TAB3: variants seen among roughly 807,000 people sequenced by gnomAD.
TAB3 encodes the protein TGF-beta-activated kinase 1 and MAP3K7-binding protein 3.
Under a neutral mutation model 48.1 loss-of-function variants are expected in TAB3, and 18 were observed. That is an observed-to-expected ratio of 0.37 (90% CI 0.26 to 0.55). TAB3 has a LOEUF of 0.55. Ranked by LOEUF, TAB3 falls within the 20% of genes least tolerant of loss-of-function variation. TAB3 has a pLI of 0.78. For missense variants in TAB3, 414 were observed against 549.8 expected (o/e 0.75, Z 2.47); for synonymous variants, 185 against 190.2 (o/e 0.97, Z 0.22).
chrX:30,870,724 G>A (rs901664923), intron 2 of TAB3, among the ~76,000 whole-genome samples: 17 of 112,610 alleles, frequency 1.5e-4, no homozygotes, highest in African/African-American at 5.2e-4. Context: ...ATTTGGCAAC[G>A]TCTGAAGATA....
At chrX:30,843,696 A>G (rs1351686531) in intron 8 of TAB3, 4 of 111,724 alleles carry the variant, frequency 3.6e-5, no homozygotes, top group African/African-American at 1.3e-4. Flanking sequence ...CCAATTTCAG[A>G]ATAGATAGAA....
At chrX:30,872,149 C>G (rs1420066651) in intron 1 of TAB3, among the ~76,000 whole-genome samples, 1 of 111,501 alleles carries the variant, frequency 9.0e-6, no homozygotes, top group Non-Finnish European at 1.9e-5. Context: ...CCTGCAGCTT[C>G]CCAAGATGTA....
rs1027576262 is a variant in TAB3, at chrX:30,827,539, C to T, written c.*3888G>A. On this transcript the variant is annotated 3_prime_UTR_variant, in exon 11 of 11. Transcript: ENST00000288422. ...ATGCATGCAGAGCCTTTTAAAATGC[C>T]TTTGTACAATTTCATCTCAAAATGA... The T allele has an allele frequency of 8.0e-5, 9 of 112,456 alleles. No homozygotes were observed. Among genetic ancestry groups the T allele is most frequent in the African/African-American group, 2.9e-4 (9 of 30,919 alleles). The allele number at this position is 112,456 out of a possible 1,213,427, so 9.3% of individuals were successfully genotyped here. A position where few individuals can be genotyped will look rare whatever the true frequency, so the allele number is the denominator to read the frequency against.
chrX:30,876,430 C>T lies in TAB3; in HGVS notation c.-382-4629G>A, dbSNP rs745834206. ...TATCAGACATGGATTTTAAATTATG[C>T]TTGCTATGTTCAAGGAGATGAAAGC... On this transcript the variant is annotated intron_variant, in intron 1 of 10. Transcript: ENST00000288422. Among the ~76,000 whole-genome samples, 11 of 112,432 alleles carry T rather than the reference C, an allele frequency of 9.8e-5. No homozygotes were observed. In the South Asian group the frequency reaches 4.0e-3, roughly 41 times the overall value.
rs751794247 is a variant in TAB3, at chrX:30,855,262, G to C, written c.403C>G (p.Pro135Ala). Residue 135 changes from proline to alanine, a missense_variant, in exon 6 of 11, where the codon CCC becomes GCC. Coordinates refer to ENST00000288422, the MANE Select transcript of TAB3 (RefSeq NM_152787.5). ...TTCATAAAAAATGGATTGTAGTTGG[G>C]AGTAGCAGCAACAACAGCTGGAGCT... ...HSAPAVVAAT[P>A]NYNPFFMNEQ... 10 of 1,209,616 alleles carry C rather than the reference G, an allele frequency of 8.3e-6. No homozygotes were observed. The East Asian group carries it at 3.0e-4, about 36-fold the overall frequency.
At chrX:30,831,725 T>C in intron 10 of TAB3, 150 bp from the exon 11 acceptor site, 1 of 607,823 alleles carries the variant, frequency 1.6e-6, no homozygotes, top group Non-Finnish European at 2.5e-6. Context: ...ATATATCTAC[T>C]GGAAATGCAT....
chrX:30,836,849 A>AAAAC (rs763561305), intron 9 of TAB3: 2 of 110,885 alleles, frequency 1.8e-5, no homozygotes, highest in African/African-American at 6.6e-5. Context: ...TCTCAAAACA[A>AAAAC]AAACAAACAA....
intron 7 of TAB3, among the ~76,000 whole-genome samples, chrX:30,851,948 G>A (rs145554772): frequency 0.029 from 3,214 of 112,108 alleles, 91 homozygotes; most frequent in Admixed American, 0.12. Context: ...CTCATTACCC[G>A]TGAACATATA....
At chrX:30,883,843 T>G (rs1373432764) in intron 1 of TAB3, among the ~76,000 whole-genome samples, 8 of 111,312 alleles carry the variant, frequency 7.2e-5, no homozygotes, top group African/African-American at 2.6e-4. Flanking sequence ...CATTTTTCTG[T>G]GGGAAAATGG....
intron 1 of TAB3, among the ~76,000 whole-genome samples, chrX:30,873,450 G>A (rs1276410509): frequency 9.4e-6 from 1 of 106,566 alleles, no homozygotes; most frequent in Non-Finnish European, 1.9e-5. Context: ...GCGTGAACCC[G>A]GGAGGCGGAG....
intron 1 of TAB3, among the ~76,000 whole-genome samples, chrX:30,875,237 A>C (rs1171541355): frequency 8.9e-6 from 1 of 112,593 alleles, no homozygotes; most frequent in Non-Finnish European, 1.9e-5. Flanking sequence ...TAATATTAAC[A>C]GACAAAGAAC....
chrX:30,852,927 G>A lies in TAB3; in HGVS notation c.1561C>T (p.His521Tyr). 1 of 1,209,796 alleles carries A rather than the reference G, an allele frequency of 8.3e-7. No individual in the cohort carries two copies. The highest frequency in any genetic ancestry group is 1.1e-6 in the Non-Finnish European group (1 of 894,508). The change falls in exon 7 of 11, where the codon CAT (histidine) becomes TAT (tyrosine). Residue 521 changes from histidine to tyrosine, a missense_variant. Coordinates refer to ENST00000288422, the MANE Select transcript of TAB3 (RefSeq NM_152787.5). ...DYAYTQALLLHQRARMERLAK... is the reference protein window; with the variant it reads ...DYAYTQALLLYQRARMERLAK... ...AACCTCTCCATCCTTGCTCGTTGATGTAACAGCAAGGCTACAGCATTATAG... is the reference window on the plus strand; with the variant it reads ...AACCTCTCCATCCTTGCTCGTTGATATAACAGCAAGGCTACAGCATTATAG...
intron 1 of TAB3, among the ~76,000 whole-genome samples, chrX:30,875,047 G>A (rs754175566): frequency 9.9e-5 from 11 of 111,565 alleles, no homozygotes; most frequent in African/African-American, 1.3e-4. Context: ...GGTGGGAGGC[G>A]GTGAGGATGA....
chrX:30,886,657 TA>T (rs1323362080), intron 1 of TAB3, among the ~76,000 whole-genome samples: 4 of 112,583 alleles, frequency 3.6e-5, no homozygotes, highest in African/African-American at 1.3e-4. Context: ...AAAACTTTTC[TA>T]GAACTTTCAG....
rs1450833728 is a variant in TAB3, at chrX:30,846,761, G to A, written c.1711-117C>T. On this transcript the variant is annotated intron_variant, in intron 7 of 10. Transcript: ENST00000288422. ...GGGTATTACCAAGAATACGGCCTTA[G>A]TCCATAAGAGGGCATGTTTAAGAAG... 1.2e-5 allele frequency: 5 copies of A among 433,154 alleles called. No homozygotes were observed. The African/African-American group carries it at 1.2e-4, about 11-fold the overall frequency. The allele number at this position is 433,154 out of a possible 1,213,427, so 35.7% of individuals were successfully genotyped here. A position where few individuals can be genotyped will look rare whatever the true frequency, so the allele number is the denominator to read the frequency against.
chrX:30,843,332 G>A, intron 8 of TAB3: 1 of 172,045 alleles, frequency 5.8e-6, no homozygotes, highest in African/African-American at 3.0e-5. Context: ...GATTAGGCAT[G>A]TGGGGCATTT....
chrX:30,863,741 CT>C (rs940324155), intron 4 of TAB3, among the ~76,000 whole-genome samples: 1 of 112,208 alleles, frequency 8.9e-6, no homozygotes, highest in African/African-American at 3.2e-5. Context: ...AATTAAACCT[CT>C]TTTCTTTATA....
chrX:30,850,785 C>T (rs201609627), intron 7 of TAB3, among the ~76,000 whole-genome samples: 4 of 93,447 alleles, frequency 4.3e-5, no homozygotes, highest in Non-Finnish European at 6.4e-5. Flanking sequence ...GGGCTTTTTT[C>T]TTTTTTTTTT....
Position 30,859,681 on chromosome X carries a change from A to G in TAB3, c.-90-3T>C, listed in dbSNP as rs1437650647. ...TCTTCTAGCACCACAGTCATTTTCT[A>G]TTTAAAAAAAAAAAAAAAGTATGGT... On this transcript the variant is annotated splice_region_variant and splice_polypyrimidine_tract_variant and intron_variant, in intron 4 of 10. Transcript: ENST00000288422. 6 of 520,445 alleles carry G rather than the reference A, an allele frequency of 1.2e-5. No individual in the cohort carries two copies. Among genetic ancestry groups the G allele is most frequent in the Admixed American group, 4.4e-5 (1 of 22,615 alleles). The allele number at this position is 520,445 out of a possible 1,213,427, so 42.9% of individuals were successfully genotyped here. A position where few individuals can be genotyped will look rare whatever the true frequency, so the allele number is the denominator to read the frequency against.
Sources: allele counts gnomAD v4.1 joint callset (sites outside exome capture counted in the v4.1 genomes callset), GRCh38; gene constraint gnomAD v4.1.1; transcripts MANE v1.5; gene names NCBI Gene and HGNC (gene_info 2026-07-23, HGNC 2026-07-21).